Variants in ABI3BP observed in about 807,000 individuals in gnomAD.
ABI3BP encodes target of Nesh-SH3.
ABI3BP carries 216 observed loss-of-function variants against 268.6 expected under a neutral mutation model. The ratio of observed to expected loss-of-function variants is 0.80; its 90% CI spans 0.72 to 0.90. The LOEUF (loss-of-function observed/expected upper bound fraction) is 0.90. Ranked by LOEUF, ABI3BP falls within the 40% of genes least tolerant of loss-of-function variation. The pLI is 0.00. For missense variants in ABI3BP, 2,090 were observed against 2,182.4 expected, an observed-to-expected ratio of 0.96 and a Z score of 0.84; for synonymous variants, 730 against 730.0, an observed-to-expected ratio of 1.00 and a Z score of 0.00.
At position 100,806,342 on chromosome 3, in the gene ABI3BP, G is replaced by A. The variant is rs1470344843; in HGVS notation, c.3683-1476C>T. ...ATGCATATAAACAGGACACTCTCCT[G>A]TCCAAATGACTTTTTGAAATTTGCA... On this transcript the variant is annotated intron_variant, in intron 50 of 67. Coordinates refer to ENST00000471714, the MANE Select transcript of ABI3BP (RefSeq NM_001375547.2). Among the ~76,000 whole-genome samples the A allele has an allele frequency of 2.0e-5, 3 of 152,044 alleles. No individual in the cohort carries two copies. In the East Asian group the frequency reaches 5.8e-4, roughly 29 times the overall value.
chr3:100,985,213 G>A (rs1038056696), intron 1 of ABI3BP, among the ~76,000 whole-genome samples: 7 of 140,002 alleles, frequency 5.0e-5, no homozygotes, highest in African/African-American at 1.6e-4. Context: ...GCAGTGCTGC[G>A]ATCTCAGCTC....
At position 100,778,389 on chromosome 3, in the gene ABI3BP, A is replaced by T. The variant is rs1390660043; in HGVS notation, c.4241-13T>A. 1.2e-6 allele frequency: 2 copies of T among 1,607,772 alleles called. No homozygotes were observed. The highest frequency in any genetic ancestry group is 2.7e-5 in the African/African-American group (2 of 74,644). On this transcript the variant is annotated splice_polypyrimidine_tract_variant and intron_variant, in intron 58 of 67. Coordinates refer to ENST00000471714, the MANE Select transcript of ABI3BP (RefSeq NM_001375547.2). ...GGGCGGCGAGTCCCTGGGATTGTGG[A>T]TAAGAGATTGTATTTTAGATAAAGC...
rs200931910 is a variant in ABI3BP at position 100,848,832 on chromosome 3, G to A, written c.1545C>T (p.Arg515=). The part of the protein sequence containing the change: ...TTSIPSTPKR[R]PRPKPPRTKP... Reference sequence around the variant, plus strand: ...TGGTTCTTGGCGGTTTGGGCCGGGGGCGTCGTTTAGGTGTAGAAGGGATAG... The same window carrying A: ...TGGTTCTTGGCGGTTTGGGCCGGGGACGTCGTTTAGGTGTAGAAGGGATAG... The change falls in exon 18 of 68, where the codon CGC becomes CGT. Residue 515 remains arginine, a synonymous_variant. Transcript: ENST00000471714. The A allele has an allele frequency of 2.0e-4, 323 of 1,613,280 alleles. No individual in the cohort carries two copies. Among genetic ancestry groups the A allele is most frequent in the Non-Finnish European group, 2.5e-4 (300 of 1,179,424 alleles).
intron 6 of ABI3BP, among the ~76,000 whole-genome samples, chr3:100,877,245 T>C (rs891743642): frequency 6.6e-5 from 10 of 152,214 alleles, no homozygotes; most frequent in African/African-American, 2.4e-4. Flanking sequence ...CTAAGCTACC[T>C]ATTATCTTTG....
At chr3:100,911,574 C>T in intron 2 of ABI3BP, 1 of 651,374 alleles carries the variant, frequency 1.5e-6, no homozygotes, top group South Asian at 1.8e-5. Context: ...CTTTACTGAT[C>T]CATCTTCTTC....
intron 10 of ABI3BP, 117 bp from the exon 11 acceptor site, chr3:100,865,024 T>G: frequency 2.6e-6 from 2 of 784,288 alleles, no homozygotes; most frequent in Non-Finnish European, 2.1e-6. Context: ...GCCCATTTCT[T>G]TTTGTGTTAC....
At chr3:100,775,376 C>T in intron 59 of ABI3BP, 41 bp from the exon 60 acceptor site, 1 of 1,569,524 alleles carries the variant, frequency 6.4e-7, no homozygotes. Context: ...TATAGGAACA[C>T]TGCCAAGTTT....
In ABI3BP at chr3:100,915,533, G is replaced by A. The variant is rs371480508; in HGVS notation, c.259+10769C>T. ...GAAGTAGAAGGCAGCCAAGCAGCAG[G>A]GACACCAGGGCAGGAGGACATGACA... is the stretch of plus-strand genomic sequence containing the variant. On this transcript the variant is annotated intron_variant, in intron 2 of 67. Coordinates refer to ENST00000471714, the MANE Select transcript of ABI3BP (RefSeq NM_001375547.2). Among the ~76,000 whole-genome samples, 6 of 152,292 alleles carry A rather than the reference G, an allele frequency of 3.9e-5. No individual in the cohort carries two copies. The East Asian group carries it at 1.2e-3, about 29-fold the overall frequency.
At chr3:100,968,913 C>T (rs568028049) in intron 1 of ABI3BP, among the ~76,000 whole-genome samples, 1 of 152,054 alleles carries the variant, frequency 6.6e-6, no homozygotes, top group African/African-American at 2.4e-5. Context: ...TTGTTCAACT[C>T]ATAATTTGCT....
intron 50 of ABI3BP, among the ~76,000 whole-genome samples, chr3:100,805,872 A>T (rs867393043): frequency 6.6e-6 from 1 of 151,866 alleles, no homozygotes; most frequent in African/African-American, 2.4e-5. Flanking sequence ...ACTATTATAA[A>T]TTTTTTTTCC....
At chr3:100,804,913 C>G (rs556192766) in intron 50 of ABI3BP, 47 bp from the exon 51 acceptor site, 2 of 1,473,092 alleles carry the variant, frequency 1.4e-6, no homozygotes, top group East Asian at 2.3e-5. Context: ...TCAGCATCTT[C>G]CAGTCATGCT....
At chr3:100,967,585 A>G (rs1293864488) in intron 1 of ABI3BP, among the ~76,000 whole-genome samples, 1 of 152,122 alleles carries the variant, frequency 6.6e-6, no homozygotes, top group Non-Finnish European at 1.5e-5. Flanking sequence ...TGGAGCACCA[A>G]TATTACAAAG....
intron 15 of ABI3BP, among the ~76,000 whole-genome samples, chr3:100,851,100 C>T (rs761677389): frequency 6.6e-6 from 1 of 152,086 alleles, no homozygotes; most frequent in African/African-American, 2.4e-5. Flanking sequence ...TTTACCATGA[C>T]ACAAATAATA....
Position 100,866,900 on chromosome 3 carries a change from T to G in ABI3BP, c.967A>C (p.Ile323Leu), listed in dbSNP as rs1296529759. The change falls in exon 10 of 68, where the codon ATC becomes CTC. Residue 323 changes from isoleucine to leucine, a missense_variant. Physicochemically the swap from Ile to Leu is conservative, Grantham distance 5. Coordinates refer to ENST00000471714, the MANE Select transcript of ABI3BP (RefSeq NM_001375547.2). ...TTACCTGTTGTGGGTCGTGCTGAGA[T>G]TTTTTCAACCTCTGGTGTTTTAGAT... ...AESKTPEVEK[I>L]SARPTTVTPE... 1.2e-6 allele frequency: 2 copies of G among 1,613,872 alleles called. No homozygotes were observed. Among genetic ancestry groups the G allele is most frequent in the Non-Finnish European group, 1.7e-6 (2 of 1,179,810 alleles).
chr3:100,903,497 A>G (rs2051536132), intron 2 of ABI3BP, among the ~76,000 whole-genome samples: 1 of 152,312 alleles, frequency 6.6e-6, no homozygotes, highest in Admixed American at 6.5e-5. Flanking sequence ...TACTGGATTA[A>G]TGGATTGATG....
intron 31 of ABI3BP, 140 bp from the exon 32 acceptor site, chr3:100,830,774 ATT>A (rs1282254222): frequency 1.2e-5 from 8 of 649,740 alleles, no homozygotes; most frequent in African/African-American, 1.1e-4. Flanking sequence ...AAGTGGCTGT[ATT>A]TTTTTCCTTT....
Position 100,840,144 on chromosome 3 carries a change from G to A in ABI3BP, c.1825C>T (p.Pro609Ser), listed in dbSNP as rs2098669692. ...TTLAPRKTKR[P>S]GRRPRPRPRP... is the part of the protein sequence containing the mutation. ...GGACGGGGGCGGGGGCGACGACCTGGTCTTTTGGTCTTTCGTGGTGCTGAA... is the reference window on the plus strand; with the variant it reads ...GGACGGGGGCGGGGGCGACGACCTGATCTTTTGGTCTTTCGTGGTGCTGAA... The change falls in exon 23 of 68, where the codon CCA becomes TCA. Residue 609 changes from proline (P) to serine (S), a missense_variant. Physicochemically the swap from Pro to Ser is moderately conservative, Grantham distance 74. Transcript: ENST00000471714. The A allele has an allele frequency of 2.0e-6, 3 of 1,532,356 alleles. No homozygotes were observed. The highest frequency in any genetic ancestry group is 2.6e-6 in the Non-Finnish European group (3 of 1,145,320). 94.9% of individuals were successfully genotyped at this position (1,532,356 alleles called of 1,614,324 possible). A position where few individuals can be genotyped will look rare whatever the true frequency, so the allele number is the denominator to read the frequency against.
At chr3:100,811,017 A>AG (rs2097850009) in intron 48 of ABI3BP, among the ~76,000 whole-genome samples, 1 of 152,292 alleles carries the variant, frequency 6.6e-6, no homozygotes, top group Middle Eastern at 3.4e-3. Flanking sequence ...ACTTATGAAG[A>AG]GAAAAAAAGC....
chr3:100,900,559 T>A (rs1432713764), intron 3 of ABI3BP, among the ~76,000 whole-genome samples: 1 of 152,240 alleles, frequency 6.6e-6, no homozygotes, highest in Non-Finnish European at 1.5e-5. Context: ...ATATTTTTCA[T>A]GTAAGGAACC....
Sources: gnomAD v4.1 joint callset for allele counts (sites outside exome capture counted in the v4.1 genomes callset) on GRCh38, gnomAD v4.1.1 for gene constraint, MANE v1.5 for transcripts, NCBI Gene and HGNC (gene_info 2026-07-23, HGNC 2026-07-21) for gene names.